Variants in NCKAP5 observed in about 807,000 individuals in gnomAD.
NCKAP5 encodes the protein nck-associated protein 5.
A neutral mutation model predicts 167.0 loss-of-function variants in NCKAP5; 92 were observed. That is an observed-to-expected ratio of 0.55 (90% CI 0.47 to 0.66). The LOEUF (loss-of-function observed/expected upper bound fraction) is 0.66. Ranked by LOEUF, NCKAP5 falls within the 30% of genes least tolerant of loss-of-function variation. The pLI, the probability that NCKAP5 is intolerant of heterozygous loss-of-function variation, is 0.00. For missense variants in NCKAP5, 2,378 were observed against 2,315.0 expected (o/e 1.03, Z -0.56); for synonymous variants, 891 against 877.4 (o/e 1.02, Z -0.27).
intron 19 of NCKAP5, among the ~76,000 whole-genome samples, chr2:132,683,379 G>C (rs1685505931): frequency 6.6e-6 from 1 of 152,116 alleles, no homozygotes. Flanking sequence ...TCTGACTATT[G>C]GTTACTTTGG....
At chr2:133,285,051 A>G (rs1447981753) in intron 4 of NCKAP5, among the ~76,000 whole-genome samples, 1 of 152,166 alleles carries the variant, frequency 6.6e-6, no homozygotes, top group Non-Finnish European at 1.5e-5. Context: ...ACCCTCTATC[A>G]TATATACGTA....
At chr2:133,258,945 C>A (rs1009588005) in intron 4 of NCKAP5, among the ~76,000 whole-genome samples, 1 of 152,076 alleles carries the variant, frequency 6.6e-6, no homozygotes, top group Non-Finnish European at 1.5e-5. Flanking sequence ...ACAGAACTAG[C>A]CTTCCAGAAA....
chr2:133,613,822 C>T, the NCKAP5 span, among the ~76,000 whole-genome samples: 3 of 152,172 alleles, frequency 2.0e-5, no homozygotes, highest in Admixed American at 6.5e-5. Context: ...TGTGATTATA[C>T]GTGAGCTGTA....
intron 3 of NCKAP5, among the ~76,000 whole-genome samples, chr2:133,507,725 A>G (rs939204437): frequency 6.6e-6 from 1 of 152,210 alleles, no homozygotes; most frequent in African/African-American, 2.4e-5. Context: ...CTTTTGAAAT[A>G]TTAATTGAAA....
intron 6 of NCKAP5, among the ~76,000 whole-genome samples, chr2:133,071,015 A>G (rs2080375725): frequency 6.6e-6 from 1 of 152,196 alleles, no homozygotes; most frequent in South Asian, 2.1e-4. Flanking sequence ...TAGAAGAGTC[A>G]ATCATATATC....
chr2:133,213,750 C>T lies in NCKAP5; in HGVS notation c.173G>A (p.Arg58Gln), dbSNP rs181912343. Residue 58 changes from arginine to glutamine, a missense_variant, in exon 5 of 20, where the codon CGA becomes CAA. By Grantham distance (43) the Arg-to-Gln change is conservative. Transcript: ENST00000409261. ...CTCACTTGTTCTTTGGGCAACTTCT[C>T]GCTGTAGTCGGGCCACTGCCAACTT... Reference protein sequence around the residue: ...REKLAVARLQREVAQRTSEGA... With the variant: ...REKLAVARLQQEVAQRTSEGA... 1.3e-3 allele frequency: 2,081 copies of T among 1,613,738 alleles called. 24 individuals carry two copies. In the Admixed American group the frequency reaches 0.026, roughly 20 times the overall value.
At chr2:133,297,774 G>C (rs532483745) in intron 4 of NCKAP5, among the ~76,000 whole-genome samples, 1 of 152,256 alleles carries the variant, frequency 6.6e-6, no homozygotes, top group East Asian at 1.9e-4. Context: ...TAGATGTTCA[G>C]AACTTGACTC....
At chr2:133,015,205 A>G (rs531816920) in intron 6 of NCKAP5, among the ~76,000 whole-genome samples, 30 of 152,202 alleles carry the variant, frequency 2.0e-4, no homozygotes, top group Non-Finnish European at 2.1e-4. Flanking sequence ...TCACAGCTCA[A>G]TTTTAATCAC....
At chr2:133,468,516 G>A (rs1472965580) in intron 3 of NCKAP5, among the ~76,000 whole-genome samples, 1 of 152,010 alleles carries the variant, frequency 6.6e-6, no homozygotes, top group Non-Finnish European at 1.5e-5. Context: ...TTCTGTAGAT[G>A]TCTATTAGGT....
chr2:132,981,891 G>A (rs1214193289), intron 7 of NCKAP5, among the ~76,000 whole-genome samples: 9 of 152,174 alleles, frequency 5.9e-5, no homozygotes, highest in African/African-American at 1.7e-4. Flanking sequence ...ACTGGTAGCT[G>A]GAGTATGGAA....
At chr2:133,441,441 C>T (rs1489884103) in intron 3 of NCKAP5, among the ~76,000 whole-genome samples, 1 of 152,200 alleles carries the variant, frequency 6.6e-6, no homozygotes. Context: ...TAAGGCTCTT[C>T]CAGCAGATGG....
At chr2:133,187,812 T>A (rs1209090791) in intron 5 of NCKAP5, among the ~76,000 whole-genome samples, 1 of 152,048 alleles carries the variant, frequency 6.6e-6, no homozygotes, top group Non-Finnish European at 1.5e-5. Context: ...CTGCTTTTTT[T>A]TGTTTTCCAT....
chr2:133,445,935 C>T (rs1691163436), intron 3 of NCKAP5, among the ~76,000 whole-genome samples: 1 of 152,178 alleles, frequency 6.6e-6, no homozygotes, highest in Non-Finnish European at 1.5e-5. Flanking sequence ...TAGACATCCT[C>T]CAGTGCTGAG....
At chr2:132,929,664 C>T (rs544770819) in intron 8 of NCKAP5, among the ~76,000 whole-genome samples, 4 of 152,148 alleles carry the variant, frequency 2.6e-5, no homozygotes, top group Non-Finnish European at 5.9e-5. Flanking sequence ...CTCTGTGGAA[C>T]TCTGCCTCAT....
intron 3 of NCKAP5, among the ~76,000 whole-genome samples, chr2:133,492,871 G>A (rs1400352346): frequency 6.6e-6 from 1 of 152,170 alleles, no homozygotes; most frequent in Non-Finnish European, 1.5e-5. Flanking sequence ...GGAAGACCAG[G>A]GAGTGGTGAA....
chr2:132,977,586 A>G (rs987144773), intron 7 of NCKAP5, among the ~76,000 whole-genome samples: 10 of 152,192 alleles, frequency 6.6e-5, no homozygotes, highest in African/African-American at 2.2e-4. Flanking sequence ...TCTTCCAACC[A>G]GGGGTTACCT....
intron 14 of NCKAP5, 138 bp downstream of exon 14, chr2:132,781,802 T>A (rs12991144): frequency 0.12 from 84,717 of 732,536 alleles, 5,830 homozygotes; most frequent in Non-Finnish European, 0.14. Context: ...GGCTAATGTA[T>A]AAAAGACTGC....
chr2:133,672,812 T>C, the NCKAP5 span, among the ~76,000 whole-genome samples: 15 of 152,254 alleles, frequency 9.9e-5, no homozygotes, highest in Admixed American at 7.2e-4. Context: ...AGGAAGGAGA[T>C]TGGACTTGAC....
chr2:133,144,578 C>G (rs927932244), intron 5 of NCKAP5, among the ~76,000 whole-genome samples: 1 of 151,888 alleles, frequency 6.6e-6, no homozygotes, highest in African/African-American at 2.4e-5. Context: ...TAGCTACTGT[C>G]GAAAATGAAA....
Sources: gnomAD v4.1 joint callset for allele counts (sites outside exome capture counted in the v4.1 genomes callset) on GRCh38, gnomAD v4.1.1 for gene constraint, MANE v1.5 for transcripts, NCBI Gene and HGNC (gene_info 2026-07-23, HGNC 2026-07-21) for gene names.